The following MME variants were observed in gnomAD, a reference collection of about 807,000 sequenced individuals.
MME encodes membrane metalloendopeptidase, also known as neprilysin.
MME carries 98 observed loss-of-function variants against 113.2 expected under a neutral mutation model. The ratio of observed to expected loss-of-function variants is 0.87; its 90% confidence interval spans 0.74 to 1.02. The LOEUF (loss-of-function observed/expected upper bound fraction) is 1.02, where lower values mean the gene tolerates loss of function less well. Among genes scored for constraint, MME ranks in the 50% least tolerant of loss-of-function variants. The pLI is 0.00. For synonymous variants in MME, 292 were observed against 300.6 expected (o/e 0.97, Z 0.30); for missense variants, 836 against 896.0 (o/e 0.93, Z 0.86).
chr3:155,041,369 T>C (rs1326474262), intron 1 of MME, among the ~76,000 whole-genome samples: 1 of 152,208 alleles, frequency 6.6e-6, no homozygotes, highest in Non-Finnish European at 1.5e-5. Context: ...TCAACGATAA[T>C]GTATGATTCA....
chr3:155,118,693 AC>A (rs1328010972), intron 7 of MME, 52 bp from the exon 8 acceptor site: 1 of 1,210,914 alleles, frequency 8.3e-7, no homozygotes, highest in Non-Finnish European at 1.2e-6. Flanking sequence ...TATTTTTCAA[AC>A]TTTTCTATAT....
At chr3:155,127,693 TG>T (rs750072951) in intron 8 of MME, among the ~76,000 whole-genome samples, 13 of 152,202 alleles carry the variant, frequency 8.5e-5, no homozygotes, top group Non-Finnish European at 1.9e-4. Context: ...AATAACACAG[TG>T]GTGATCAAAT....
At chr3:155,041,774 A>G (rs1713330738) in intron 1 of MME, among the ~76,000 whole-genome samples, 1 of 152,220 alleles carries the variant, frequency 6.6e-6, no homozygotes, top group African/African-American at 2.4e-5. Flanking sequence ...ATAAAGAGCT[A>G]GAGTGGAGAG....
At chr3:155,024,710 G>A (rs1255002387) in intron 1 of MME, among the ~76,000 whole-genome samples, 1 of 151,992 alleles carries the variant, frequency 6.6e-6, no homozygotes, top group Non-Finnish European at 1.5e-5. Flanking sequence ...GTCATTTTTG[G>A]TGAACAATTT....
chr3:155,087,006 T>TTTTTTTTTG (rs1715804765), intron 3 of MME, among the ~76,000 whole-genome samples: 1 of 79,616 alleles, frequency 1.3e-5, no homozygotes, highest in Non-Finnish European at 2.7e-5. Flanking sequence ...TTTTTTTTTG[T>TTTTTTTTTG]TTTTTTTTTT....
intron 7 of MME, among the ~76,000 whole-genome samples, chr3:155,118,524 A>G (rs1019903141): frequency 1.3e-5 from 2 of 152,182 alleles, no homozygotes; most frequent in African/African-American, 4.8e-5. Context: ...TTCCTTAAAT[A>G]TCTGCAGCAC....
At chr3:155,135,315 T>C (rs563178845) in intron 8 of MME, among the ~76,000 whole-genome samples, 1 of 152,296 alleles carries the variant, frequency 6.6e-6, no homozygotes, top group South Asian at 2.1e-4. Flanking sequence ...TTTTTGTGTA[T>C]GATGAAAGTT....
At chr3:155,140,684 G>A (rs1721010892) in intron 10 of MME, among the ~76,000 whole-genome samples, 2 of 151,978 alleles carry the variant, frequency 1.3e-5, no homozygotes, top group Non-Finnish European at 2.9e-5. Context: ...TTAGCCACAG[G>A]TGTGAGCCAC....
chr3:155,140,342 T>TAACA (rs1280542050), intron 10 of MME, 50 bp downstream of exon 10: 1 of 1,157,652 alleles, frequency 8.6e-7, no homozygotes, highest in African/African-American at 1.5e-5. Flanking sequence ...TTCTAAATTA[T>TAACA]AACATTGAAA....
At chr3:155,119,680 T>G (rs1221405565) in intron 8 of MME, among the ~76,000 whole-genome samples, 7 of 151,264 alleles carry the variant, frequency 4.6e-5, no homozygotes, top group Admixed American at 1.3e-4. Context: ...TGGTTTTTTG[T>G]TCTTGCGATA....
chr3:155,163,576 G>A (rs1722867801), intron 17 of MME, among the ~76,000 whole-genome samples: 1 of 152,188 alleles, frequency 6.6e-6, no homozygotes, highest in South Asian at 2.1e-4. Context: ...AGTTCTAGGT[G>A]CTGTTCAGTC....
intron 8 of MME, among the ~76,000 whole-genome samples, chr3:155,133,241 G>A (rs1226792731): frequency 1.3e-5 from 2 of 151,268 alleles, no homozygotes; most frequent in Non-Finnish European, 2.9e-5. Flanking sequence ...AGATAAATTT[G>A]GAAGTCAGGA....
In MME at chr3:155,052,925, T is replaced by G. The variant is rs974929833; in HGVS notation, c.-11+28601T>G. On this transcript the variant is annotated intron_variant, in intron 1 of 22. Coordinates refer to the MME transcript ENST00000492661. ...CTTAGAAATTTCTTCTGCCAGATAC[T>G]CTAAATCATCTCTCTCAAGTTCAAA... Among the ~76,000 whole-genome samples the G allele has an allele frequency of 5.3e-5, 8 of 152,324 alleles. No individual in the cohort carries two copies. In the East Asian group the frequency reaches 7.7e-4, roughly 15 times the overall value.
Position 155,120,292 on chromosome 3 carries a change from T to C in MME, c.720+1481T>C, listed in dbSNP as rs959069966. Among the ~76,000 whole-genome samples the C allele has an allele frequency of 3.3e-4, 37 of 112,246 alleles. 3 individuals carry two copies. Among genetic ancestry groups the C allele is most frequent in the Non-Finnish European group, 4.2e-4 (22 of 52,452 alleles). 73.6% of individuals were successfully genotyped at this position (112,246 alleles called of 152,430 possible). On this transcript the variant is annotated intron_variant, in intron 8 of 22. Coordinates refer to ENST00000360490, the MANE Select transcript of MME (RefSeq NM_007289.4). Reference sequence around the variant, plus strand: ...TTTTTTTCTTGTAAATTTGTTTAAGTTCATTGTAGATTCTGGATATTAGCC... The same window carrying C: ...TTTTTTTCTTGTAAATTTGTTTAAGCTCATTGTAGATTCTGGATATTAGCC...
chr3:155,075,451 G>A (rs563877858), upstream of MME, among the ~76,000 whole-genome samples: 11 of 152,062 alleles, frequency 7.2e-5, no homozygotes, highest in East Asian at 1.9e-3. Flanking sequence ...TTTATTTCTA[G>A]CATTTTATGT....
chr3:155,126,956 A>T (rs1299243310), intron 8 of MME, among the ~76,000 whole-genome samples: 1 of 151,302 alleles, frequency 6.6e-6, no homozygotes, highest in Non-Finnish European at 1.5e-5. Flanking sequence ...GCAGTGAGCC[A>T]AGATCGTGCC....
chr3:155,151,582 A>T (rs903518602), intron 16 of MME, among the ~76,000 whole-genome samples: 1 of 152,198 alleles, frequency 6.6e-6, no homozygotes, highest in Non-Finnish European at 1.5e-5. Flanking sequence ...CTCCATGTAG[A>T]TGTCTTATTG....
chr3:155,159,297 G>A (rs1427583860), intron 16 of MME, among the ~76,000 whole-genome samples: 2 of 151,992 alleles, frequency 1.3e-5, no homozygotes, highest in African/African-American at 4.8e-5. Flanking sequence ...CACCCCTTCT[G>A]TGAGTAGGAT....
chr3:155,104,466 G>A (rs758435382), intron 3 of MME, among the ~76,000 whole-genome samples: 2 of 152,154 alleles, frequency 1.3e-5, no homozygotes, highest in Non-Finnish European at 2.9e-5. Context: ...TTTCATTTTA[G>A]GCAGCATTCG....
Sources: allele counts gnomAD v4.1 joint callset (sites outside exome capture counted in the v4.1 genomes callset), GRCh38; gene constraint gnomAD v4.1.1; transcripts MANE v1.5; gene names NCBI Gene and HGNC (gene_info 2026-07-23, HGNC 2026-07-21).